Variants in COL15A1 observed in about 807,000 individuals in gnomAD.
COL15A1 encodes collagen type XV alpha 1 chain.
Under a neutral mutation model 165.9 loss-of-function variants are expected in COL15A1, and 111 were observed. That is an observed-to-expected ratio of 0.67 (90% CI 0.57 to 0.78). The LOEUF (loss-of-function observed/expected upper bound fraction) is 0.78, where lower values mean the gene tolerates loss of function less well. Among genes scored for constraint, COL15A1 ranks in the 30% least tolerant of loss-of-function variants. The pLI, the probability that COL15A1 is intolerant of heterozygous loss-of-function variation, is 0.00. For synonymous variants in COL15A1, 659 were observed against 674.8 expected (o/e 0.98, Z 0.36); for missense variants, 1,745 against 1,789.7 (o/e 0.98, Z 0.45).
At chr9:98,992,602 G>A (rs1207233552) in intron 5 of COL15A1, among the ~76,000 whole-genome samples, 1 of 152,266 alleles carries the variant, frequency 6.6e-6, no homozygotes, top group Non-Finnish European at 1.5e-5. Context: ...CAGAGTGGAC[G>A]CCAAGGCCGA....
At chr9:98,948,159 G>A (rs1837614429) in intron 2 of COL15A1, among the ~76,000 whole-genome samples, 1 of 152,188 alleles carries the variant, frequency 6.6e-6, no homozygotes, top group Non-Finnish European at 1.5e-5. Context: ...TTTGGGCACA[G>A]AGCTGCCCCA....
intron 36 of COL15A1, among the ~76,000 whole-genome samples, chr9:99,061,221 A>AAGTCATTTTGATG (rs1346386865): frequency 6.6e-6 from 1 of 152,244 alleles, no homozygotes; most frequent in Non-Finnish European, 1.5e-5. Context: ...GGGGATATCT[A>AAGTCATTTTGATG]AGTCATTTTG....
At chr9:99,047,067 C>T (rs780652612) in intron 26 of COL15A1, among the ~76,000 whole-genome samples, 4 of 152,188 alleles carry the variant, frequency 2.6e-5, no homozygotes, top group Admixed American at 6.5e-5. Context: ...GTTGGAAAGG[C>T]GCAGACTGAG....
At chr9:99,038,125 G>A (rs377677181) in intron 21 of COL15A1, among the ~76,000 whole-genome samples, 8 of 151,262 alleles carry the variant, frequency 5.3e-5, no homozygotes, top group East Asian at 2.0e-4. Context: ...AAAAAAACAC[G>A]ATTTTTAAAA....
At chr9:98,962,202 C>G (rs757833027) in intron 2 of COL15A1, among the ~76,000 whole-genome samples, 1 of 152,230 alleles carries the variant, frequency 6.6e-6, no homozygotes, top group Non-Finnish European at 1.5e-5. Context: ...GAAGAATTCT[C>G]TTGCCAGGGA....
At chr9:98,949,409 A>G (rs1783110190) in intron 2 of COL15A1, among the ~76,000 whole-genome samples, 2 of 152,202 alleles carry the variant, frequency 1.3e-5, no homozygotes, top group South Asian at 4.1e-4. Flanking sequence ...CTACGAGTGG[A>G]GTGCTGAATC....
rs199674083 is a variant in COL15A1, at chr9:99,023,397, C to T, written c.1802C>T (p.Ser601Leu). 7.0e-5 allele frequency: 112 copies of T among 1,606,822 alleles called. 1 individual carries two copies. The East Asian group carries it at 8.0e-4, about 12-fold the overall frequency. The change falls in exon 14 of 42, where the codon TCG becomes TTG. Residue 601 changes from serine to leucine, a missense_variant. By Grantham distance (145) the Ser-to-Leu change is moderately radical (BLOSUM62 -2). Transcript: ENST00000375001. Reference sequence around the variant, plus strand: ...GAGGGCTCTGGCCTAGGCTGGGGCTCGGACGTCGGCTCTGGCTCTGGTGAC... The same window carrying T: ...GAGGGCTCTGGCCTAGGCTGGGGCTTGGACGTCGGCTCTGGCTCTGGTGAC... ...EAEGSGLGWG[S>L]DVGSGSGDLV... is the part of the protein sequence containing the mutation.
intron 4 of COL15A1, 21 bp from the exon 5 acceptor site, chr9:98,989,157 G>C: frequency 6.2e-7 from 1 of 1,605,716 alleles, no homozygotes; most frequent in East Asian, 2.2e-5. Flanking sequence ...CCGGTGTGTG[G>C]CACAGTTTGT....
intron 16 of COL15A1, among the ~76,000 whole-genome samples, chr9:99,033,532 T>G (rs962534746): frequency 2.0e-5 from 3 of 152,216 alleles, no homozygotes; most frequent in Admixed American, 6.5e-5. Flanking sequence ...CCCTGTGGTT[T>G]CTCTTGATGG....
intron 2 of COL15A1, among the ~76,000 whole-genome samples, chr9:98,944,920 G>A (rs1368912719): frequency 1.3e-5 from 2 of 152,184 alleles, no homozygotes; most frequent in African/African-American, 4.8e-5. Context: ...AGTTAAAATG[G>A]GCCTCGGTTA....
intron 2 of COL15A1, among the ~76,000 whole-genome samples, chr9:98,963,927 G>A (rs1837906772): frequency 6.6e-6 from 1 of 152,218 alleles, no homozygotes; most frequent in African/African-American, 2.4e-5. Flanking sequence ...ATTTGTGAAT[G>A]AACAAATGAA....
intron 2 of COL15A1, among the ~76,000 whole-genome samples, chr9:98,953,850 C>T (rs1405544254): frequency 6.6e-6 from 1 of 152,226 alleles, no homozygotes; most frequent in Non-Finnish European, 1.5e-5. Flanking sequence ...TCTTTTGTGA[C>T]TAGCTTCCTC....
chr9:99,049,093 C>A (rs527993721), intron 28 of COL15A1, among the ~76,000 whole-genome samples: 12 of 152,324 alleles, frequency 7.9e-5, no homozygotes, highest in African/African-American at 2.9e-4. Context: ...TCTGCATGAA[C>A]TAAACTCTTC....
intron 5 of COL15A1, among the ~76,000 whole-genome samples, chr9:98,992,132 C>G (rs887281999): frequency 1.3e-5 from 2 of 152,266 alleles, no homozygotes; most frequent in African/African-American, 4.8e-5. Flanking sequence ...CTTGGATGGT[C>G]GATGGGAACA....
At chr9:99,009,148 A>G (rs1838808442) in intron 9 of COL15A1, among the ~76,000 whole-genome samples, 1 of 152,088 alleles carries the variant, frequency 6.6e-6, no homozygotes, top group African/African-American at 2.4e-5. Context: ...TGCATTGAAG[A>G]GCACCTATCA....
intron 2 of COL15A1, among the ~76,000 whole-genome samples, chr9:98,973,254 G>A (rs570091084): frequency 1.3e-5 from 2 of 152,028 alleles, no homozygotes; most frequent in South Asian, 4.2e-4. Context: ...AAGAGAGAGA[G>A]GGAGAGAGAG....
chr9:99,003,715 G>A, intron 8 of COL15A1, 128 bp downstream of exon 8: 1 of 1,037,312 alleles, frequency 9.6e-7, no homozygotes, highest in South Asian at 2.3e-5. Context: ...GGGGCAGTCT[G>A]TCGGAGTAAG....
chr9:99,047,951 G>C lies in COL15A1; in HGVS notation c.2744G>C (p.Gly915Ala). The change falls in exon 28 of 42, where the codon GGA becomes GCA. Residue 915 changes from glycine to alanine, a missense_variant. Transcript: ENST00000375001. The stretch of plus-strand genomic sequence containing the variant: ...TGCTGTGGGTTCCAGGGTCGCCCAG[G>C]ACTGAATGGCCTCAAGGGTACCAAA... ...FGLPGRPGRP[G>A]LNGLKGTKGD... is the part of the protein sequence containing the mutation. The C allele has an allele frequency of 1.2e-6, 2 of 1,609,494 alleles. No individual in the cohort carries two copies. Among genetic ancestry groups the C allele is most frequent in the South Asian group, 2.2e-5 (2 of 90,952 alleles).
At chr9:99,027,118 G>C (rs764229665) in intron 16 of COL15A1, among the ~76,000 whole-genome samples, 21 of 152,222 alleles carry the variant, frequency 1.4e-4, no homozygotes, top group Non-Finnish European at 2.5e-4. Context: ...TGCCTCTGCA[G>C]TGTTCCCAGC....
Sources: allele counts gnomAD v4.1 joint callset (sites outside exome capture counted in the v4.1 genomes callset), GRCh38; gene constraint gnomAD v4.1.1; transcripts MANE v1.5; gene names NCBI Gene and HGNC (gene_info 2026-07-23, HGNC 2026-07-21).